Variants in PRMT7 observed in about 807,000 individuals in gnomAD.
PRMT7 encodes protein arginine N-methyltransferase 7.
PRMT7 carries 75 observed loss-of-function variants against 85.4 expected under a neutral mutation model. The observed-to-expected ratio is 0.88, with a 90% CI of 0.73 to 1.06. The LOEUF is 1.06. Among genes scored for constraint, PRMT7 ranks in the 50% least tolerant of loss-of-function variants. The pLI is 0.00. For missense variants in PRMT7, 868 were observed against 915.2 expected, an observed-to-expected ratio of 0.95 and a Z score of 0.67; for synonymous variants, 397 against 359.5, an observed-to-expected ratio of 1.10 and a Z score of -1.18.
chr16:68,344,933 T>TACACACACACACACACACACATACAC (rs1555563403), intron 9 of PRMT7, among the ~76,000 whole-genome samples: 30 of 131,164 alleles, frequency 2.3e-4, no homozygotes, highest in African/African-American at 6.6e-4. Flanking sequence ...CCTGCATCTC[T>TACACACACACACACACACACATACAC]ACACACACAC....
chr16:68,347,445 G>A (rs1333303827), intron 12 of PRMT7, 151 bp downstream of exon 12: 1 of 1,036,710 alleles, frequency 9.6e-7, no homozygotes, highest in East Asian at 2.6e-5. Flanking sequence ...GGGGTTTATT[G>A]CCTGTGCGTG....
Position 68,339,816 on chromosome 16 carries a change from T to C in PRMT7, c.775T>C (p.Ser259Pro), listed in dbSNP as rs1223988233. 6.2e-7 allele frequency: 1 copy of C among 1,614,114 alleles called. No individual in the cohort carries two copies. Among genetic ancestry groups the C allele is most frequent in the South Asian group, 1.1e-5 (1 of 91,082 alleles). Residue 259 changes from serine to proline, a missense_variant, in exon 9 of 19, where the codon TCA becomes CCA. Ser to Pro is a moderately conservative substitution (Grantham distance 74). Transcript: ENST00000441236. Reference protein sequence around the residue: ...SIDFSKQVSSSAACHSRRFEP... With the variant: ...SIDFSKQVSSPAACHSRRFEP... Reference sequence around the variant, plus strand: ...AGACTTCAGCAAGCAAGTCAGTAGCTCAGCAGCCTGCCATAGCAGGCGGTT... The same window carrying C: ...AGACTTCAGCAAGCAAGTCAGTAGCCCAGCAGCCTGCCATAGCAGGCGGTT...
chr16:68,340,866 A>T (rs2085421724), intron 9 of PRMT7, among the ~76,000 whole-genome samples: 1 of 152,222 alleles, frequency 6.6e-6, no homozygotes, highest in African/African-American at 2.4e-5. Context: ...TTATCCTTTC[A>T]GTGGGTGAGG....
At chr16:68,343,356 T>A (rs757550355) in intron 9 of PRMT7, among the ~76,000 whole-genome samples, 1 of 152,210 alleles carries the variant, frequency 6.6e-6, no homozygotes, top group Non-Finnish European at 1.5e-5. Flanking sequence ...AGCGGGGCCT[T>A]GTGTCCAGGA....
intron 15 of PRMT7, 158 bp from the exon 16 acceptor site, chr16:68,353,334 C>A (rs1298713149): frequency 1.8e-5 from 26 of 1,448,620 alleles, no homozygotes; most frequent in Non-Finnish European, 2.4e-5. Context: ...CAGTCTGTTA[C>A]AGAAACCGTT....
At chr16:68,311,300 T>G (rs1397839882) in intron 1 of PRMT7, 2 of 330,456 alleles carry the variant, frequency 6.1e-6, no homozygotes, top group Non-Finnish European at 1.2e-5. Context: ...TGCAGCCGGG[T>G]GCCTGCCACT....
chr16:68,355,977 T>C (rs1251552710), intron 17 of PRMT7, 94 bp downstream of exon 17: 2 of 1,314,828 alleles, frequency 1.5e-6, no homozygotes, highest in Non-Finnish European at 2.0e-6. Context: ...TGGGAGACGC[T>C]GACACGTGGA....
At chr16:68,318,223 A>G (rs1289493796) in intron 3 of PRMT7, among the ~76,000 whole-genome samples, 1 of 145,160 alleles carries the variant, frequency 6.9e-6, no homozygotes, top group Non-Finnish European at 1.5e-5. Context: ...TTTTTGAGAC[A>G]GAGTCTCGCT....
chr16:68,339,242 A>C (rs2085161432), intron 7 of PRMT7, 80 bp from the exon 8 acceptor site: 5 of 1,575,644 alleles, frequency 3.2e-6, no homozygotes, highest in Non-Finnish European at 4.3e-6. Flanking sequence ...GTTAAGGAAT[A>C]AACCTCTTTT....
intron 12 of PRMT7, 115 bp downstream of exon 12, chr16:68,347,409 C>T (rs1363719010): frequency 6.0e-6 from 7 of 1,169,150 alleles, no homozygotes; most frequent in Middle Eastern, 2.0e-4. Flanking sequence ...CTGTTGTGGG[C>T]ACAGCATGCT....
In PRMT7 at chr16:68,348,406, C is replaced by T. The variant is rs1163002761; in HGVS notation, c.1388C>T (p.Thr463Ile). 1.2e-6 allele frequency: 2 copies of T among 1,612,166 alleles called. No homozygotes were observed. Among genetic ancestry groups the T allele is most frequent in the African/African-American group, 2.7e-5 (2 of 74,834 alleles). The change falls in exon 14 of 19, where the codon ACA becomes ATA. Residue 463 changes from threonine (T) to isoleucine (I), a missense_variant. Transcript: ENST00000441236. ...NIIEKRPELLTNEDLQGRKVS... is the reference protein window; with the variant it reads ...NIIEKRPELLINEDLQGRKVS... ...ATAGAGAAACGGCCGGAATTATTAA[C>T]AAATGAGGACCTACAGGGCAGAAAG...
rs562442605 is a variant in PRMT7, at chr16:68,315,884, C to T, written c.-83-13C>T. The T allele has an allele frequency of 2.0e-6, 2 of 991,752 alleles. No individual in the cohort carries two copies. Among genetic ancestry groups the T allele is most frequent in the Admixed American group, 2.0e-5 (1 of 49,464 alleles). 61.4% of individuals were successfully genotyped at this position (991,752 alleles called of 1,614,324 possible). ...TTGTTTATATACCTCCTGTTTCCTT[C>T]TGATGTTAATAGATTTCTGACAGTC... On this transcript the variant is annotated splice_polypyrimidine_tract_variant and intron_variant, in intron 2 of 18. Coordinates refer to ENST00000441236, the MANE Select transcript of PRMT7 (RefSeq NM_019023.5).
chr16:68,344,216 G>A (rs2085974096), intron 9 of PRMT7, among the ~76,000 whole-genome samples: 1 of 152,206 alleles, frequency 6.6e-6, no homozygotes, highest in African/African-American at 2.4e-5. Flanking sequence ...CGATTTGCCA[G>A]CCTCGGCCTC....
chr16:68,349,755 G>A (rs1432751522), intron 14 of PRMT7, among the ~76,000 whole-genome samples: 1 of 152,080 alleles, frequency 6.6e-6, no homozygotes, highest in East Asian at 1.9e-4. Flanking sequence ...TTAACCGAGT[G>A]TGGTGGCACG....
Position 68,339,878 on chromosome 16 carries a change from C to T in PRMT7, c.837C>T (p.Leu279=). ...PLTSGRAQVV[L]SWWDIEMDPE... ...CATCTGGCCGAGCTCAGGTGGTTCT[C>T]TCGTGGTGGGACATTGAAATGGACC... is the stretch of plus-strand genomic sequence containing the variant. The change falls in exon 9 of 19, where the codon CTC becomes CTT. Residue 279 remains leucine, a synonymous_variant. Coordinates refer to ENST00000441236, the MANE Select transcript of PRMT7 (RefSeq NM_019023.5). 1 of 1,614,182 alleles carries T rather than the reference C, an allele frequency of 6.2e-7. No individual in the cohort carries two copies. Among genetic ancestry groups the T allele is most frequent in the Non-Finnish European group, 8.5e-7 (1 of 1,180,028 alleles).
intron 2 of PRMT7, 33 bp downstream of exon 2, chr16:68,312,209 A>T (rs1375124326): frequency 1.2e-5 from 1 of 83,984 alleles, no homozygotes; most frequent in African/African-American, 4.6e-5. Flanking sequence ...GTATATTTAT[A>T]TATATATATA....
chr16:68,356,557 A>G, intron 17 of PRMT7, 144 bp from the exon 18 acceptor site: 1 of 649,514 alleles, frequency 1.5e-6, no homozygotes, highest in Non-Finnish European at 2.7e-6. Context: ...AGGAACGTTT[A>G]TGTAACTGCA....
downstream of PRMT7, chr16:68,359,709 C>A (rs143319246): frequency 6.6e-6 from 1 of 152,634 alleles, no homozygotes; most frequent in African/African-American, 2.4e-5. Flanking sequence ...CAGGGCGCCA[C>A]GAGGAGCGGA....
At chr16:68,344,026 T>C (rs369336093) in intron 9 of PRMT7, among the ~76,000 whole-genome samples, 1 of 152,242 alleles carries the variant, frequency 6.6e-6, no homozygotes, top group East Asian at 1.9e-4. Flanking sequence ...TGGATTGTGG[T>C]GGCACCTCTT....
Sources: allele counts gnomAD v4.1 joint callset (sites outside exome capture counted in the v4.1 genomes callset), GRCh38; gene constraint gnomAD v4.1.1; transcripts MANE v1.5; gene names NCBI Gene and HGNC (gene_info 2026-07-23, HGNC 2026-07-21).